Variants in RPF2 observed in about 807,000 individuals in gnomAD.
The protein encoded by RPF2 is ribosome production factor 2 homolog.
A neutral mutation model predicts 38.9 loss-of-function variants in RPF2; 21 were observed. That is an observed-to-expected ratio of 0.54 (90% CI 0.38 to 0.78). The LOEUF is 0.78. RPF2 is among the 30% of genes least tolerant of loss of function. RPF2 has a pLI of 0.00. For synonymous variants in RPF2, 121 were observed against 126.2 expected, an observed-to-expected ratio of 0.96 and a Z score of 0.28; for missense variants, 314 against 358.1, an observed-to-expected ratio of 0.88 and a Z score of 0.99.
At chr6:111,002,268 A>C (rs1318371442) in intron 6 of RPF2, among the ~76,000 whole-genome samples, 1 of 152,210 alleles carries the variant, frequency 6.6e-6, no homozygotes, top group Admixed American at 6.5e-5. Context: ...TGACACAGCA[A>C]GACTTTGTCT....
intron 3 of RPF2, 121 bp downstream of exon 3, chr6:110,989,186 A>G: frequency 9.9e-7 from 1 of 1,013,676 alleles, no homozygotes; most frequent in Non-Finnish European, 1.3e-6. Flanking sequence ...CCTTACAGTT[A>G]TTAATATTTT....
chr6:111,016,615 T>A (rs1359891418), intron 8 of RPF2, among the ~76,000 whole-genome samples: 3 of 143,850 alleles, frequency 2.1e-5, no homozygotes, highest in East Asian at 4.9e-4. Context: ...AACAAAAAAC[T>A]CTTAAGCAGA....
At chr6:111,003,221 G>A (rs1040746740) in intron 6 of RPF2, among the ~76,000 whole-genome samples, 2 of 151,596 alleles carry the variant, frequency 1.3e-5, no homozygotes, top group African/African-American at 4.8e-5. Flanking sequence ...TCTTTAAGAC[G>A]TTGTGCTAGA....
intron 6 of RPF2, among the ~76,000 whole-genome samples, chr6:111,003,083 C>A (rs1422134892): frequency 7.0e-6 from 1 of 143,820 alleles, no homozygotes. Flanking sequence ...TTTTTTACCC[C>A]CCCCCCTTTT....
In RPF2 at chr6:111,017,035, G is replaced by T. The variant is rs1772128123; in HGVS notation, c.596+1179G>T. Among the ~76,000 whole-genome samples, 4 of 152,220 alleles carry T rather than the reference G, an allele frequency of 2.6e-5. No homozygotes were observed. The South Asian group carries it at 8.3e-4, about 32-fold the overall frequency. Reference sequence around the variant, plus strand: ...AGATCAACAGCATCCCAAGGCAGAAGAATTTTTCTTAGTATAGAACAAAAT... The same window carrying T: ...AGATCAACAGCATCCCAAGGCAGAATAATTTTTCTTAGTATAGAACAAAAT... On this transcript the variant is annotated intron_variant, in intron 8 of 9. Transcript: ENST00000441448.
intron 4 of RPF2, among the ~76,000 whole-genome samples, chr6:110,995,067 G>GT (rs1771689229): frequency 6.7e-6 from 1 of 148,722 alleles, no homozygotes; most frequent in Non-Finnish European, 1.5e-5. Context: ...ACCATACCCG[G>GT]ATTTTTTTTG....
At position 111,024,252 on chromosome 6, in the gene RPF2, T is replaced by C. The variant is rs1772283869; in HGVS notation, c.666T>C (p.Asp222=). 1.6e-5 allele frequency: 25 copies of C among 1,611,564 alleles called. No homozygotes were observed. Among genetic ancestry groups the C allele is most frequent in the Non-Finnish European group, 2.1e-5 (25 of 1,179,670 alleles). The change falls in exon 9 of 10, where the codon GAT becomes GAC. Residue 222 remains aspartate (D), a synonymous_variant. Coordinates refer to ENST00000441448, the MANE Select transcript of RPF2 (RefSeq NM_032194.3). ...IELEEMGPSL[D]LVLRRTHLAS... ...TGGAAGAGATGGGACCCTCATTGGA[T>C]CTGGTTCTGAGGAGGACACACCTGG...
intron 7 of RPF2, among the ~76,000 whole-genome samples, chr6:111,010,115 TTTTTTTTTTTTTC>T (rs984866099): frequency 1.1e-4 from 16 of 143,178 alleles, no homozygotes; most frequent in African/African-American, 2.3e-4. Flanking sequence ...TGTCCCTCAA[TTTTTTTTTTTTTC>T]TTTTTTTTTT....
At chr6:111,023,406 CTTA>C (rs1772266939) in intron 8 of RPF2, among the ~76,000 whole-genome samples, 1 of 152,160 alleles carries the variant, frequency 6.6e-6, no homozygotes, top group South Asian at 2.1e-4. Flanking sequence ...CTCCTACAGT[CTTA>C]GATAAGAACT....
intron 4 of RPF2, among the ~76,000 whole-genome samples, chr6:110,992,923 A>C (rs1238875605): frequency 2.0e-5 from 3 of 152,192 alleles, no homozygotes; most frequent in Non-Finnish European, 2.9e-5. Context: ...TTTAAAAAAT[A>C]AAAATAAAAA....
chr6:111,014,979 T>C (rs555088488), intron 7 of RPF2, among the ~76,000 whole-genome samples: 1 of 152,292 alleles, frequency 6.6e-6, no homozygotes, highest in South Asian at 2.1e-4. Flanking sequence ...GGTTTCACCA[T>C]GTTGCCCAGC....
chr6:111,006,168 C>A (rs575677939), intron 6 of RPF2, among the ~76,000 whole-genome samples: 1 of 151,216 alleles, frequency 6.6e-6, no homozygotes, highest in Non-Finnish European at 1.5e-5. Context: ...TGGGCTCAAG[C>A]GATCTGCCCT....
intron 1 of RPF2, among the ~76,000 whole-genome samples, chr6:110,983,346 A>G (rs543201782): frequency 2.8e-5 from 4 of 142,126 alleles, no homozygotes; most frequent in Non-Finnish European, 6.1e-5. Context: ...ATCTAGCTTT[A>G]AAAAATTTGT....
At chr6:110,982,545 G>C (rs1017700104) in intron 1 of RPF2, 1 of 199,216 alleles carries the variant, frequency 5.0e-6, no homozygotes. Context: ...CTGTAAAATA[G>C]CGCTCACCAT....
chr6:110,982,180 G>T (rs755426381), intron 1 of RPF2, 51 bp downstream of exon 1: 4 of 1,592,052 alleles, frequency 2.5e-6, no homozygotes, highest in Non-Finnish European at 3.4e-6. Flanking sequence ...AAAGGGTCCC[G>T]TGATGAGGGT....
At chr6:111,014,290 A>C (rs1772069096) in intron 7 of RPF2, among the ~76,000 whole-genome samples, 1 of 151,776 alleles carries the variant, frequency 6.6e-6, no homozygotes, top group Non-Finnish European at 1.5e-5. Context: ...TTGCCACCAC[A>C]CCTGGCTAAT....
At chr6:111,013,884 C>T (rs757888956) in intron 7 of RPF2, among the ~76,000 whole-genome samples, 24 of 152,214 alleles carry the variant, frequency 1.6e-4, no homozygotes, top group South Asian at 2.1e-4. Flanking sequence ...AACCTGTAAT[C>T]CCAGCACTTT....
At position 111,027,092 on chromosome 6, in the gene RPF2, C is replaced by T. The variant is rs1010441717; in HGVS notation, c.*1510C>T. On this transcript the variant is annotated 3_prime_UTR_variant, in exon 10 of 10. Transcript: ENST00000441448. ...ACTTCAATTCCATGTTAGAGAGCTC[C>T]GTGCCTGTGTATACATGCCTTTATG... is the stretch of plus-strand genomic sequence containing the variant. The T allele has an allele frequency of 1.3e-5, 2 of 152,102 alleles. No homozygotes were observed. The highest frequency in any genetic ancestry group is 2.9e-5 in the Non-Finnish European group (2 of 68,024). 9.4% of individuals were successfully genotyped at this position (152,102 alleles called of 1,614,324 possible). A position where few individuals can be genotyped will look rare whatever the true frequency, so the allele number is the denominator to read the frequency against.
chr6:111,003,079 ACC>A (rs10565997), intron 6 of RPF2, among the ~76,000 whole-genome samples: 12,551 of 98,662 alleles, frequency 0.13, 1,099 homozygotes, highest in East Asian at 0.58. Context: ...TTCATTTTTT[ACC>A]CCCCCCCCTT....
Sources: gnomAD v4.1 joint callset for allele counts (sites outside exome capture counted in the v4.1 genomes callset) on GRCh38, gnomAD v4.1.1 for gene constraint, MANE v1.5 for transcripts, NCBI Gene and HGNC (gene_info 2026-07-23, HGNC 2026-07-21) for gene names.